DLC1: variants seen among roughly 807,000 people sequenced by gnomAD.
DLC1 encodes DLC1 Rho GTPase activating protein.
Under a neutral mutation model 140.3 loss-of-function variants are expected in DLC1, and 54 were observed. That is an observed-to-expected ratio of 0.38 (90% CI 0.31 to 0.48). DLC1 has a LOEUF of 0.48. Ranked by LOEUF, DLC1 falls within the 20% of genes least tolerant of loss-of-function variation. The pLI is 0.96. For synonymous variants in DLC1, 986 were observed against 728.1 expected (o/e 1.35, Z -5.70); for missense variants, 2,536 against 1,907.0 (o/e 1.33, Z -6.14).
chr8:13,578,465 A>G (rs1804925266), intron 1 of DLC1, among the ~76,000 whole-genome samples: 1 of 152,166 alleles, frequency 6.6e-6, no homozygotes, highest in East Asian at 1.9e-4. Context: ...CAGTTCTGAC[A>G]TATCTACCTG....
intron 5 of DLC1, among the ~76,000 whole-genome samples, chr8:13,228,353 G>A (rs922850582): frequency 6.6e-6 from 1 of 150,962 alleles, no homozygotes; most frequent in Non-Finnish European, 1.5e-5. Flanking sequence ...TAAAAGGAGG[G>A]AGAGATTTCA....
chr8:13,499,038 A>AT lies in DLC1; in HGVS notation c.1023+10dup. The AT allele has an allele frequency of 1.9e-6, 3 of 1,594,460 alleles. No homozygotes were observed. The highest frequency in any genetic ancestry group is 2.6e-6 in the Non-Finnish European group (3 of 1,172,406). ...ATTTCAAAAGCCAGAGAATCTGTGC[A>AT]TATGTCTTACCTTTCTCTTACGAAG... On this transcript the variant is annotated intron_variant, in intron 2 of 17. Coordinates refer to ENST00000276297, the MANE Select transcript of DLC1 (RefSeq NM_182643.3).
intron 2 of DLC1, among the ~76,000 whole-genome samples, chr8:13,448,756 T>C (rs185130095): frequency 3.3e-5 from 5 of 152,322 alleles, no homozygotes; most frequent in African/African-American, 1.2e-4. Context: ...TAATTTTGCC[T>C]TTTAATTTCA....
At position 13,434,332 on chromosome 8, in the gene DLC1, A is replaced by G. The variant is rs144818885; in HGVS notation, c.1024-32713T>C. Among the ~76,000 whole-genome samples the G allele has an allele frequency of 3.9e-5, 6 of 152,338 alleles. No homozygotes were observed. In the East Asian group the frequency reaches 1.2e-3, roughly 29 times the overall value. On this transcript the variant is annotated intron_variant, in intron 2 of 17. Transcript: ENST00000276297. ...ATCAGATAACTCTCTATAACCCAAG[A>G]TGTCACTGCTCTAGATTTTAAACAT... is the stretch of plus-strand genomic sequence containing the variant.
At chr8:13,439,191 G>A (rs1201164778) in intron 2 of DLC1, among the ~76,000 whole-genome samples, 4 of 152,148 alleles carry the variant, frequency 2.6e-5, no homozygotes, top group African/African-American at 9.7e-5. Context: ...GGGCGTGGTG[G>A]TGTGCACCTG....
rs751637021 is a variant in DLC1 at position 13,499,658 on chromosome 8, T to C, written c.414A>G (p.Gln138=). ...AGGAGCCTGCTCCTTGGATCATATG[T>C]TGGCCTGATGTTTTCTGCCCTTGGG... ...LNTQGQKTSG[Q]HMIQGAGSLE... Residue 138 remains glutamine (Q), a synonymous_variant, in exon 2 of 18, where the codon CAA becomes CAG. Transcript: ENST00000276297. 8.7e-6 allele frequency: 14 copies of C among 1,614,220 alleles called. No homozygotes were observed. In the East Asian group the frequency reaches 1.8e-4, roughly 21 times the overall value.
chr8:13,531,860 T>C (rs1223713541), intron 1 of DLC1, among the ~76,000 whole-genome samples: 1 of 152,146 alleles, frequency 6.6e-6, no homozygotes, highest in African/African-American at 2.4e-5. Flanking sequence ...AGGCTTACCA[T>C]ATATTACAAA....
intron 1 of DLC1, among the ~76,000 whole-genome samples, chr8:13,508,236 C>A (rs894955630): frequency 6.6e-6 from 1 of 152,132 alleles, no homozygotes; most frequent in Non-Finnish European, 1.5e-5. Flanking sequence ...CTCAAGCCAG[C>A]CAGATTTGGA....
At chr8:13,261,765 G>T (rs1374315993) in intron 5 of DLC1, among the ~76,000 whole-genome samples, 1 of 152,156 alleles carries the variant, frequency 6.6e-6, no homozygotes, top group East Asian at 1.9e-4. Context: ...GAATGGAGAT[G>T]AAAAAGACAA....
intron 5 of DLC1, among the ~76,000 whole-genome samples, chr8:13,198,461 ATGTT>A (rs1257288601): frequency 2.6e-5 from 4 of 152,198 alleles, no homozygotes; most frequent in African/African-American, 9.6e-5. Context: ...GAGTGAAAGA[ATGTT>A]TGTTTGTTTT....
intron 4 of DLC1, among the ~76,000 whole-genome samples, chr8:13,364,384 C>T (rs927708063): frequency 2.0e-5 from 3 of 151,672 alleles, no homozygotes; most frequent in African/African-American, 7.3e-5. Context: ...CTACAATCTC[C>T]ATCTCCCAGG....
rs538935193 is a variant in DLC1, at chr8:13,093,592, G to A, written c.3527-767C>T. 5.0e-4 allele frequency among the ~76,000 whole-genome samples: 76 copies of A among 152,324 alleles called. 2 individuals are homozygous for A. The South Asian group carries it at 0.016, about 32-fold the overall frequency. On this transcript the variant is annotated intron_variant, in intron 12 of 17. Coordinates refer to ENST00000276297, the MANE Select transcript of DLC1 (RefSeq NM_182643.3). Reference sequence around the variant, plus strand: ...AATACATAACTCTTTAAAAGAGCATGTGGTGGAAAAATCAAGTCACTCAAA... The same window carrying A: ...AATACATAACTCTTTAAAAGAGCATATGGTGGAAAAATCAAGTCACTCAAA...
intron 5 of DLC1, among the ~76,000 whole-genome samples, chr8:13,284,512 G>T (rs535034122): frequency 4.9e-4 from 75 of 152,168 alleles, no homozygotes; most frequent in Middle Eastern, 3.4e-3. Context: ...GGGTGACAGA[G>T]CAAGATTCCG....
At chr8:13,234,394 G>T (rs1241050364) in intron 5 of DLC1, among the ~76,000 whole-genome samples, 2 of 151,988 alleles carry the variant, frequency 1.3e-5, no homozygotes, top group Admixed American at 1.3e-4. Flanking sequence ...AAATGAAATA[G>T]GTCTATTTCA....
At position 13,086,334 on chromosome 8, in the gene DLC1, C is replaced by G; in HGVS notation, c.4422G>C (p.Gly1474=). 6.2e-7 allele frequency: 1 copy of G among 1,614,234 alleles called. No individual in the cohort carries two copies. The highest frequency in any genetic ancestry group is 8.5e-7 in the Non-Finnish European group (1 of 1,180,042). The change falls in exon 17 of 18, where the codon GGG becomes GGC. Residue 1474 remains glycine, a synonymous_variant. Transcript: ENST00000276297. The part of the protein sequence containing the change: ...LLSRYLIEPC[G]PGKSKLTYMC... ...TGTAGGTGAGTTTGGATTTTCCTGGCCCACAGGGTTCAATCAAATACCTGG... is the reference window on the plus strand; with the variant it reads ...TGTAGGTGAGTTTGGATTTTCCTGGGCCACAGGGTTCAATCAAATACCTGG...
intron 5 of DLC1, among the ~76,000 whole-genome samples, chr8:13,161,469 T>A (rs918717365): frequency 6.6e-6 from 1 of 151,920 alleles, no homozygotes; most frequent in Non-Finnish European, 1.5e-5. Context: ...CCTCCCGGAG[T>A]AGCTGGGACT....
chr8:13,344,276 C>G (rs1834210108), intron 4 of DLC1, among the ~76,000 whole-genome samples: 1 of 152,134 alleles, frequency 6.6e-6, no homozygotes, highest in Non-Finnish European at 1.5e-5. Flanking sequence ...GAGGGATCAC[C>G]TAAGATCAGG....
chr8:13,537,274 T>G (rs1446936032), intron 1 of DLC1, among the ~76,000 whole-genome samples: 2 of 152,192 alleles, frequency 1.3e-5, no homozygotes, highest in African/African-American at 2.4e-5. Flanking sequence ...GTAGTTGTGT[T>G]CAGGTTCTGC....
At chr8:13,405,860 C>CTCTTT (rs1165704228) in intron 2 of DLC1, among the ~76,000 whole-genome samples, 1 of 140,078 alleles carries the variant, frequency 7.1e-6, no homozygotes, top group African/African-American at 2.6e-5. Flanking sequence ...CTGTCTTTCT[C>CTCTTT]TCTTTTCTTT....
Sources: allele counts gnomAD v4.1 joint callset (sites outside exome capture counted in the v4.1 genomes callset), GRCh38; gene constraint gnomAD v4.1.1; transcripts MANE v1.5; gene names NCBI Gene and HGNC (gene_info 2026-07-23, HGNC 2026-07-21).